The following USP22 variants were observed in gnomAD, a reference collection of about 807,000 sequenced individuals.
USP22 encodes ubiquitin specific peptidase 22, also known as ubiquitin carboxyl-terminal hydrolase 22.
In USP22, 22 loss-of-function variants were observed where a neutral mutation model predicts 68.1. The observed-to-expected ratio is 0.32, with a 90% confidence interval of 0.23 to 0.46. The LOEUF is 0.46. USP22 is among the 20% of genes least tolerant of loss of function. The pLI is 1.00. For synonymous variants in USP22, 279 were observed against 274.2 expected, an observed-to-expected ratio of 1.02 and a Z score of -0.17; for missense variants, 433 against 695.8, an observed-to-expected ratio of 0.62 and a Z score of 4.25.
chr17:21,032,271 A>G (rs1179347968), intron 1 of USP22, among the ~76,000 whole-genome samples: 1 of 152,244 alleles, frequency 6.6e-6, no homozygotes, highest in African/African-American at 2.4e-5. Flanking sequence ...GTTCACACAA[A>G]GACAAAATCG....
intron 8 of USP22, among the ~76,000 whole-genome samples, chr17:21,008,701 G>A (rs73303620): frequency 0.044 from 6,658 of 152,268 alleles, 183 homozygotes; most frequent in Middle Eastern, 0.11. Context: ...TGCTGAGGAG[G>A]TCACCATCGG....
Position 21,002,944 on chromosome 17 carries a change from A to G in USP22, c.*87T>C, listed in dbSNP as rs4985957. 1,188,394 of 1,538,362 alleles carry G rather than the reference A, an allele frequency of 0.77. 463,095 individuals carry two copies. The highest frequency in any genetic ancestry group is 0.82 in the South Asian group (73,074 of 88,914). ...CACCAGGCCGGGGAGGCGGCGGGAG[A>G]CTTGGGGGAGGGGGGGGCCAGGGAG... is the stretch of plus-strand genomic sequence containing the variant. On this transcript the variant is annotated 3_prime_UTR_variant, in exon 13 of 13. Transcript: ENST00000261497.
intron 2 of USP22, among the ~76,000 whole-genome samples, chr17:21,025,282 A>G (rs1972206067): frequency 1.3e-5 from 2 of 152,228 alleles, no homozygotes; most frequent in South Asian, 4.1e-4. Flanking sequence ...CAAATATTCA[A>G]CATCACTGGT....
intron 5 of USP22, among the ~76,000 whole-genome samples, chr17:21,016,224 A>T (rs1914128092): frequency 6.6e-6 from 1 of 152,224 alleles, no homozygotes; most frequent in African/African-American, 2.4e-5. Context: ...TCAAAGCACT[A>T]GCCAAACCAC....
chr17:21,018,205 T>C, intron 4 of USP22, 94 bp from the exon 5 acceptor site: 3 of 1,220,320 alleles, frequency 2.5e-6, no homozygotes, highest in Non-Finnish European at 3.3e-6. Context: ...TACATACTCA[T>C]TTTCTTTTAT....
At chr17:21,036,850 G>A in intron 1 of USP22, among the ~76,000 whole-genome samples, 1 of 152,126 alleles carries the variant, frequency 6.6e-6, no homozygotes, top group East Asian at 1.9e-4. Flanking sequence ...GGGCCAAGAA[G>A]CCAGGATATC....
intron 1 of USP22, among the ~76,000 whole-genome samples, chr17:21,040,366 A>G (rs954681682): frequency 6.6e-6 from 1 of 152,212 alleles, no homozygotes; most frequent in African/African-American, 2.4e-5. Context: ...ATGAAGTGAT[A>G]CAGGTAAATA....
At position 21,008,035 on chromosome 17, in the gene USP22, T is replaced by A. The variant is rs374312737; in HGVS notation, c.1104-39A>T. On this transcript the variant is annotated intron_variant, in intron 8 of 12. Transcript: ENST00000261497. ...AAAAAGACAGGAGCGGTAAGGGAGA[T>A]GCAAGAGACAGAAAAATGAGAGGAA... is the stretch of plus-strand genomic sequence containing the variant. 64 of 1,593,968 alleles carry A rather than the reference T, an allele frequency of 4.0e-5. No individual in the cohort carries two copies. In the African/African-American group the frequency reaches 6.7e-4, roughly 17 times the overall value.
chr17:21,021,062 G>A (rs1466331587), intron 3 of USP22, 51 bp downstream of exon 3: 1 of 1,438,198 alleles, frequency 7.0e-7, no homozygotes, highest in South Asian at 1.2e-5. Context: ...TGCCCTTGAT[G>A]GACATGAGGG....
chr17:21,003,563 T>C (rs1913668540), intron 12 of USP22, among the ~76,000 whole-genome samples: 2 of 152,150 alleles, frequency 1.3e-5, no homozygotes, highest in East Asian at 3.9e-4. Flanking sequence ...AACAGGTTTC[T>C]CTATGCCATG....
rs1555531207 is a variant in USP22 at position 21,040,884 on chromosome 17, A to AC, written c.171+1780dup. On this transcript the variant is annotated intron_variant, in intron 1 of 12. Coordinates refer to ENST00000261497, the MANE Select transcript of USP22 (RefSeq NM_015276.2). ...GTAGAAGACTGGCTTCAACCAGGCC[A>AC]CCCTTTTTTTTTTTTTTCCGGAGGG... is the stretch of plus-strand genomic sequence containing the variant. 8.7e-3 allele frequency among the ~76,000 whole-genome samples: 945 copies of AC among 108,402 alleles called. 13 individuals are homozygous for AC. Among genetic ancestry groups the AC allele is most frequent in the African/African-American group, 0.032 (878 of 27,776 alleles). The allele number at this position is 108,402 out of a possible 152,430, so 71.1% of individuals were successfully genotyped here.
intron 4 of USP22, among the ~76,000 whole-genome samples, chr17:21,018,875 G>A (rs1972120633): frequency 6.6e-6 from 1 of 152,218 alleles, no homozygotes; most frequent in Non-Finnish European, 1.5e-5. Context: ...TGAGGGCAGG[G>A]CTGTTGCTAC....
Position 21,002,475 on chromosome 17 carries a change from G to C in USP22, c.*556C>G, listed in dbSNP as rs1312684336. ...GAACAGACACGCTTGAAAACGCGAC[G>C]TAGTGTCCGTACTTCCGAAGCTAGG... is the stretch of plus-strand genomic sequence containing the variant. On this transcript the variant is annotated 3_prime_UTR_variant, in exon 13 of 13. Transcript: ENST00000261497. The C allele has an allele frequency of 6.5e-6, 1 of 153,172 alleles. No individual in the cohort carries two copies. The highest frequency in any genetic ancestry group is 2.0e-4 in the South Asian group (1 of 4,896). 9.5% of individuals were successfully genotyped at this position (153,172 alleles called of 1,614,324 possible).
chr17:21,012,980 G>T (rs781753463), intron 6 of USP22, 45 bp from the exon 7 acceptor site: 1 of 1,585,152 alleles, frequency 6.3e-7, no homozygotes, highest in Admixed American at 1.7e-5. Flanking sequence ...CCCCAAATAT[G>T]GGGAGTCTCT....
intron 2 of USP22, among the ~76,000 whole-genome samples, chr17:21,027,563 A>C (rs7216449): frequency 0.75 from 113,449 of 152,074 alleles, 42,797 homozygotes; most frequent in South Asian, 0.82. Context: ...TAAAACAGGT[A>C]TCTAGCTTGG....
chr17:21,022,012 A>G (rs1376122872), intron 2 of USP22, among the ~76,000 whole-genome samples: 1 of 152,188 alleles, frequency 6.6e-6, no homozygotes, highest in East Asian at 1.9e-4. Context: ...AGGCGTGAGA[A>G]CAGCTGAAAC....
chr17:21,036,460 A>G (rs888792897), intron 1 of USP22, among the ~76,000 whole-genome samples: 1 of 148,878 alleles, frequency 6.7e-6, no homozygotes, highest in Non-Finnish European at 1.5e-5. Context: ...AGTAATGTGG[A>G]AATGAGGAGG....
intron 10 of USP22, among the ~76,000 whole-genome samples, chr17:21,005,584 G>A (rs558949852): frequency 2.7e-4 from 41 of 152,292 alleles, no homozygotes; most frequent in African/African-American, 8.2e-4. Context: ...CCCTCAGTAC[G>A]TGACCATCGT....
At chr17:21,019,725 C>T (rs562776281) in intron 3 of USP22, among the ~76,000 whole-genome samples, 2 of 152,318 alleles carry the variant, frequency 1.3e-5, no homozygotes, top group African/African-American at 4.8e-5. Flanking sequence ...ACACCCTATG[C>T]GCTCAGAAGT....
Sources: allele counts gnomAD v4.1 joint callset (sites outside exome capture counted in the v4.1 genomes callset), GRCh38; gene constraint gnomAD v4.1.1; transcripts MANE v1.5; gene names NCBI Gene and HGNC (gene_info 2026-07-23, HGNC 2026-07-21).